Variants in SASS6 observed in about 807,000 individuals in gnomAD.
SASS6 encodes spindle assembly abnormal protein 6 homolog.
SASS6 carries 59 observed loss-of-function variants against 94.9 expected under a neutral mutation model. The observed-to-expected ratio is 0.62, with a 90% CI of 0.50 to 0.77. The LOEUF is 0.77. Ranked by LOEUF, SASS6 falls within the 30% of genes least tolerant of loss-of-function variation. The pLI, the probability that SASS6 is intolerant of heterozygous loss-of-function variation, is 0.00. For synonymous variants in SASS6, 264 were observed against 270.0 expected (o/e 0.98, Z 0.22); for missense variants, 698 against 734.1 (o/e 0.95, Z 0.57).
intron 1 of SASS6, among the ~76,000 whole-genome samples, chr1:100,128,387 G>T (rs895583446): frequency 2.6e-5 from 4 of 152,106 alleles, no homozygotes; most frequent in African/African-American, 9.7e-5. Flanking sequence ...TTTGCAAAAA[G>T]TACAAGAAGA....
In SASS6 at chr1:100,085,280, C is replaced by T. The variant is rs751713581; in HGVS notation, c.*48G>A. ...GGTTTGTGTTGACATATTTTTTAAG[C>T]ACCTGAGTTTCTAAAATACCAATAA... On this transcript the variant is annotated 3_prime_UTR_variant, in exon 17 of 17. Coordinates refer to ENST00000287482, the MANE Select transcript of SASS6 (RefSeq NM_194292.3). 8.7e-7 allele frequency: 1 copy of T among 1,151,324 alleles called. No individual in the cohort carries two copies. The highest frequency in any genetic ancestry group is 2.3e-5 in the East Asian group (1 of 42,778). 71.3% of individuals were successfully genotyped at this position (1,151,324 alleles called of 1,614,324 possible). A position where few individuals can be genotyped will look rare whatever the true frequency, so the allele number is the denominator to read the frequency against.
Position 100,120,411 on chromosome 1 carries a change from G to A in SASS6, c.532C>T (p.Leu178=). Residue 178 remains leucine, a synonymous_variant, in exon 6 of 17, where the codon CTG becomes TTG. Transcript: ENST00000287482. ...MQSLDDATKQ[L]DFTRKTLAEK... The stretch of plus-strand genomic sequence containing the variant: ...TGAATTACCTTTCGTGTAAAGTCCA[G>A]TTGCTTAGTAGCATCATCTAGTGAT... 6.5e-7 allele frequency: 1 copy of A among 1,533,442 alleles called. No homozygotes were observed. Among genetic ancestry groups the A allele is most frequent in the Non-Finnish European group, 9.0e-7 (1 of 1,107,980 alleles). The allele number at this position is 1,533,442 out of a possible 1,614,324, so 95.0% of individuals were successfully genotyped here. A position where few individuals can be genotyped will look rare whatever the true frequency, so the allele number is the denominator to read the frequency against.
At chr1:100,124,933 C>T (rs996898303) in intron 2 of SASS6, among the ~76,000 whole-genome samples, 1 of 152,018 alleles carries the variant, frequency 6.6e-6, no homozygotes, top group African/African-American at 2.4e-5. Context: ...GGAGGTGGAT[C>T]GTAGGAGGTT....
chr1:100,112,307 TAAA>T (rs1297273710), intron 7 of SASS6, among the ~76,000 whole-genome samples: 1 of 151,956 alleles, frequency 6.6e-6, no homozygotes, highest in Non-Finnish European at 1.5e-5. Flanking sequence ...CAAAAATTAA[TAAA>T]AAATTCTATG....
chr1:100,117,855 A>G (rs1158715941), intron 7 of SASS6, among the ~76,000 whole-genome samples: 4 of 144,960 alleles, frequency 2.8e-5, no homozygotes, highest in South Asian at 2.2e-4. Flanking sequence ...GGGCACAGTG[A>G]AAAAAAAAAA....
intron 14 of SASS6, among the ~76,000 whole-genome samples, chr1:100,090,777 G>T (rs1014351846): frequency 1.3e-5 from 2 of 152,068 alleles, no homozygotes; most frequent in African/African-American, 4.8e-5. Flanking sequence ...AGACCAGGAA[G>T]GGGGACCCTA....
At chr1:100,104,494 C>G (rs116207798) in intron 13 of SASS6, among the ~76,000 whole-genome samples, 7,423 of 152,102 alleles carry the variant, frequency 0.049, 209 homozygotes, top group African/African-American at 0.068. Flanking sequence ...GAGTCTCACT[C>G]TGTTGCCCAG....
At position 100,132,799 on chromosome 1, in the gene SASS6, A is replaced by G; in HGVS notation, c.16T>C (p.Phe6Leu). 1 of 1,614,102 alleles carries G rather than the reference A, an allele frequency of 6.2e-7. No individual in the cohort carries two copies. Among genetic ancestry groups the G allele is most frequent in the South Asian group, 1.1e-5 (1 of 91,086 alleles). The part of the protein sequence containing the change: MSQVL[F>L]HQLVPLQVKC... ...ACCTGCAACGGGACTAGTTGGTGGA[A>G]CAGCACTTGGCTCATGTTGGCTCGC... is the stretch of plus-strand genomic sequence containing the variant. Residue 6 changes from phenylalanine to leucine, a missense_variant, in exon 1 of 17, where the codon TTC becomes CTC. Coordinates refer to ENST00000287482, the MANE Select transcript of SASS6 (RefSeq NM_194292.3).
intron 2 of SASS6, among the ~76,000 whole-genome samples, chr1:100,125,446 C>T (rs957443850): frequency 2.6e-5 from 4 of 151,332 alleles, no homozygotes; most frequent in African/African-American, 7.3e-5. Context: ...TTTGGGAGGC[C>T]GAGGTGGGCA....
Position 100,132,897 on chromosome 1 carries a change from TAA to T in SASS6, c.-85_-84del, listed in dbSNP as rs1198522054. ...TTAGCCTGAGAGGTCCGGGTCCTGATAAAGTTTGAGTTTGGCGCTCGGCTTCT... is the reference window on the plus strand; with the variant it reads ...TTAGCCTGAGAGGTCCGGGTCCTGATAGTTTGAGTTTGGCGCTCGGCTTCT... On this transcript the variant is annotated 5_prime_UTR_variant, in exon 1 of 17. Transcript: ENST00000287482. 41 of 1,351,822 alleles carry T rather than the reference TAA, an allele frequency of 3.0e-5. No homozygotes were observed. Among genetic ancestry groups the T allele is most frequent in the Non-Finnish European group, 4.0e-5 (38 of 953,546 alleles). The allele number at this position is 1,351,822 out of a possible 1,614,324, so 83.7% of individuals were successfully genotyped here.
intron 7 of SASS6, among the ~76,000 whole-genome samples, chr1:100,112,761 C>G (rs1653442606): frequency 6.6e-6 from 1 of 152,134 alleles, no homozygotes. Context: ...CAGTGGTTAT[C>G]AAAGTACGGT....
At chr1:100,131,256 ATAG>A (rs756336752) in intron 1 of SASS6, among the ~76,000 whole-genome samples, 20,262 of 151,648 alleles carry the variant, frequency 0.13, 1,765 homozygotes, top group African/African-American at 0.24. Flanking sequence ...AGTGGCACAA[ATAG>A]TAGCTCACTG....
At position 100,107,973 on chromosome 1, in the gene SASS6, G is replaced by C. The variant is rs1028145055; in HGVS notation, c.893C>G (p.Ser298Cys). Residue 298 changes from serine to cysteine, a missense_variant, in exon 9 of 17, where the codon TCT becomes TGT. Coordinates refer to ENST00000287482, the MANE Select transcript of SASS6 (RefSeq NM_194292.3). ...ELQRTKQEVL[S>C]LRRENSTLDV... is the part of the protein sequence containing the mutation. ...TAGTGTAGAATTCTCTCTTCGCAAA[G>C]AGAGGACTTCTTGCTTAGTCCGCTG... 1.2e-6 allele frequency: 2 copies of C among 1,611,562 alleles called. No homozygotes were observed. The highest frequency in any genetic ancestry group is 1.7e-6 in the Non-Finnish European group (2 of 1,178,576).
In SASS6 at chr1:100,107,402, C is replaced by T; in HGVS notation, c.1298G>A (p.Gly433Glu). The change falls in exon 11 of 17, where the codon GGA becomes GAA. Residue 433 changes from glycine (G) to glutamate (E), a missense_variant. By Grantham distance (98) the Gly-to-Glu change is moderately conservative. Coordinates refer to ENST00000287482, the MANE Select transcript of SASS6 (RefSeq NM_194292.3). The stretch of plus-strand genomic sequence containing the variant: ...TTGCTCTTTAATTCGAAGAGACTGT[C>T]CAACATCTTGTAATTCCTTTTGTTC... ...QKEQKELQDV[G>E]QSLRIKEQEV... 6.2e-7 allele frequency: 1 copy of T among 1,608,702 alleles called. No homozygotes were observed. Among genetic ancestry groups the T allele is most frequent in the Non-Finnish European group, 8.5e-7 (1 of 1,176,368 alleles).
At chr1:100,125,963 A>C in intron 1 of SASS6, 21 bp from the exon 2 acceptor site, 1 of 1,275,654 alleles carries the variant, frequency 7.8e-7, no homozygotes, top group Non-Finnish European at 1.1e-6. Context: ...AGACATACCC[A>C]ACCATCAGAA....
intron 4 of SASS6, 152 bp downstream of exon 4, chr1:100,122,228 A>G (rs1654246589): frequency 2.3e-6 from 1 of 433,136 alleles, no homozygotes; most frequent in Non-Finnish European, 4.1e-6. Context: ...AAGATGCCTT[A>G]AAGTCTGAGA....
chr1:100,093,047 T>C (rs953264703), intron 14 of SASS6, among the ~76,000 whole-genome samples: 1 of 152,100 alleles, frequency 6.6e-6, no homozygotes, highest in Non-Finnish European at 1.5e-5. Flanking sequence ...AGTGGTAAGA[T>C]ATTAATTCTA....
At chr1:100,124,512 A>G (rs768495818) in intron 2 of SASS6, among the ~76,000 whole-genome samples, 1 of 152,116 alleles carries the variant, frequency 6.6e-6, no homozygotes, top group Non-Finnish European at 1.5e-5. Context: ...TCTCAAGTAG[A>G]TGGAACTACA....
chr1:100,085,337 T>C lies in SASS6; in HGVS notation c.1965A>G (p.Pro655=). Residue 655 remains proline, a synonymous_variant, in exon 17 of 17, where the codon CCA becomes CCG. Transcript: ENST00000287482. Reference sequence around the variant, plus strand: ...AAACATGACACTAGAATTAACTGTTTGGTAACTGCCCAGGGAAATAGGCTG... The same window carrying C: ...AAACATGACACTAGAATTAACTGTTCGGTAACTGCCCAGGGAAATAGGCTG... The part of the protein sequence containing the change: ...ASSAYFPGQL[P]NS 1.2e-6 allele frequency: 2 copies of C among 1,604,774 alleles called. No homozygotes were observed. Among genetic ancestry groups the C allele is most frequent in the Middle Eastern group, 1.7e-4 (1 of 6,050 alleles).
Sources: gnomAD v4.1 joint callset for allele counts (sites outside exome capture counted in the v4.1 genomes callset) on GRCh38, gnomAD v4.1.1 for gene constraint, MANE v1.5 for transcripts, NCBI Gene and HGNC (gene_info 2026-07-23, HGNC 2026-07-21) for gene names.